The following PLCB4 variants were observed in gnomAD, a reference collection of about 807,000 sequenced individuals.
PLCB4 encodes phospholipase C beta 4.
In PLCB4, 77 loss-of-function variants were observed where a neutral mutation model predicts 178.8. The ratio of observed to expected loss-of-function variants is 0.43; its 90% CI spans 0.36 to 0.52. The LOEUF (loss-of-function observed/expected upper bound fraction) is 0.52, where lower values mean the gene tolerates loss of function less well. Among genes scored for constraint, PLCB4 ranks in the 20% least tolerant of loss-of-function variants. The pLI, the probability that PLCB4 is intolerant of heterozygous loss-of-function variation, is 0.00. For synonymous variants in PLCB4, 496 were observed against 490.8 expected, an observed-to-expected ratio of 1.01 and a Z score of -0.14; for missense variants, 1,024 against 1,453.4, an observed-to-expected ratio of 0.70 and a Z score of 4.80.
At chr20:9,375,613 C>T (rs765552092) in intron 12 of PLCB4, among the ~76,000 whole-genome samples, 30 of 152,186 alleles carry the variant, frequency 2.0e-4, no homozygotes, top group East Asian at 7.7e-4. Context: ...GAGTATGATA[C>T]GATGTTTATT....
At chr20:9,147,828 G>T (rs2092625199) in intron 2 of PLCB4, among the ~76,000 whole-genome samples, 1 of 152,126 alleles carries the variant, frequency 6.6e-6, no homozygotes, top group African/African-American at 2.4e-5. Flanking sequence ...GCACCACAAA[G>T]TTACGTAGCC....
chr20:9,427,196 G>A (rs2041078193), intron 28 of PLCB4, among the ~76,000 whole-genome samples: 2 of 152,090 alleles, frequency 1.3e-5, no homozygotes, highest in Non-Finnish European at 2.9e-5. Context: ...CCGCACTCCA[G>A]CCTGGTTGAC....
chr20:9,225,548 A>G (rs2093853485), intron 3 of PLCB4, among the ~76,000 whole-genome samples: 1 of 152,144 alleles, frequency 6.6e-6, no homozygotes, highest in African/African-American at 2.4e-5. Context: ...TGAGTATGCT[A>G]TTGAAGTCAT....
intron 2 of PLCB4, among the ~76,000 whole-genome samples, chr20:9,117,250 T>C (rs1341547044): frequency 6.6e-6 from 1 of 152,242 alleles, no homozygotes; most frequent in Non-Finnish European, 1.5e-5. Flanking sequence ...TACACCTTCA[T>C]ACATTTTTTC....
chr20:9,461,559 C>G (rs1272417992), intron 35 of PLCB4, among the ~76,000 whole-genome samples: 3 of 152,222 alleles, frequency 2.0e-5, no homozygotes, highest in Non-Finnish European at 4.4e-5. Context: ...TGCCCAAATA[C>G]TGTGCTTTTC....
At chr20:9,351,649 A>G (rs901944980) in intron 7 of PLCB4, among the ~76,000 whole-genome samples, 1 of 152,168 alleles carries the variant, frequency 6.6e-6, no homozygotes, top group Non-Finnish European at 1.5e-5. Flanking sequence ...AAGCCCACCG[A>G]TTTAGATTCC....
intron 4 of PLCB4, among the ~76,000 whole-genome samples, chr20:9,318,599 T>G (rs2094926245): frequency 6.6e-6 from 1 of 152,046 alleles, no homozygotes; most frequent in Non-Finnish European, 1.5e-5. Context: ...CAAACAGAAG[T>G]GGTTGGTTTT....
intron 23 of PLCB4, 145 bp downstream of exon 23, chr20:9,408,862 C>A: frequency 1.4e-6 from 1 of 699,116 alleles, no homozygotes; most frequent in Non-Finnish European, 2.5e-6. Context: ...CTGTGACAAT[C>A]TGCCCAAATG....
intron 2 of PLCB4, among the ~76,000 whole-genome samples, chr20:9,154,331 C>G (rs565708954): frequency 1.5e-4 from 23 of 152,236 alleles, no homozygotes; most frequent in Non-Finnish European, 2.9e-4. Flanking sequence ...GGGCAACTGC[C>G]TGAATAAAAT....
At chr20:9,302,361 T>C (rs997599749) in intron 3 of PLCB4, among the ~76,000 whole-genome samples, 3 of 152,132 alleles carry the variant, frequency 2.0e-5, no homozygotes, top group Non-Finnish European at 4.4e-5. Flanking sequence ...ATTATCTGGA[T>C]CAAACTGTAG....
intron 25 of PLCB4, among the ~76,000 whole-genome samples, chr20:9,416,458 T>G (rs1387971256): frequency 6.6e-6 from 1 of 152,194 alleles, no homozygotes; most frequent in African/African-American, 2.4e-5. Context: ...GGGGTCCAAA[T>G]GCTGCCTGTG....
intron 33 of PLCB4, among the ~76,000 whole-genome samples, chr20:9,454,785 A>C (rs2042961838): frequency 6.6e-6 from 1 of 152,194 alleles, no homozygotes; most frequent in African/African-American, 2.4e-5. Context: ...CCCTGGTATC[A>C]GGCCTCACTA....
At chr20:9,378,941 T>C (rs2036910464) in intron 12 of PLCB4, among the ~76,000 whole-genome samples, 1 of 152,170 alleles carries the variant, frequency 6.6e-6, no homozygotes, top group Non-Finnish European at 1.5e-5. Context: ...ATATGAACTT[T>C]TAACAGTTGC....
intron 4 of PLCB4, among the ~76,000 whole-genome samples, chr20:9,313,362 A>C (rs2094858928): frequency 6.6e-6 from 1 of 152,204 alleles, no homozygotes; most frequent in African/African-American, 2.4e-5. Context: ...GCTGGAAATT[A>C]GAAGGGACTT....
intron 4 of PLCB4, among the ~76,000 whole-genome samples, chr20:9,313,684 A>T (rs753372314): frequency 4.8e-4 from 73 of 152,340 alleles, no homozygotes; most frequent in South Asian, 2.3e-3. Flanking sequence ...AGAGTTGGAC[A>T]TATGGAACAG....
At chr20:9,159,842 T>G (rs532844557) in intron 2 of PLCB4, among the ~76,000 whole-genome samples, 56 of 152,344 alleles carry the variant, frequency 3.7e-4, no homozygotes, top group African/African-American at 1.3e-3. Context: ...AATATTATGG[T>G]TCCAAAGTCA....
intron 33 of PLCB4, among the ~76,000 whole-genome samples, chr20:9,457,042 G>C (rs2043099388): frequency 1.3e-5 from 2 of 152,148 alleles, no homozygotes; most frequent in African/African-American, 2.4e-5. Context: ...TGAAATGGAA[G>C]AATGAAAAAT....
At chr20:9,151,943 A>G (rs1568845768) in intron 2 of PLCB4, among the ~76,000 whole-genome samples, 1 of 152,186 alleles carries the variant, frequency 6.6e-6, no homozygotes. Flanking sequence ...GGAGATGAGG[A>G]ACTTGTTGGG....
chr20:9,446,561 T>A (rs956817387), intron 32 of PLCB4, among the ~76,000 whole-genome samples: 3 of 152,164 alleles, frequency 2.0e-5, no homozygotes, highest in Non-Finnish European at 4.4e-5. Context: ...TTGCCTAATA[T>A]ACACCGATGC....
Sources: gnomAD v4.1 joint callset for allele counts (sites outside exome capture counted in the v4.1 genomes callset) on GRCh38, gnomAD v4.1.1 for gene constraint, MANE v1.5 for transcripts, NCBI Gene and HGNC (gene_info 2026-07-23, HGNC 2026-07-21) for gene names.